Variants in ARMH3 observed in about 807,000 individuals in gnomAD.
ARMH3 encodes the protein armadillo-like helical domain-containing protein 3.
A neutral mutation model predicts 99.1 loss-of-function variants in ARMH3; 60 were observed. The observed-to-expected ratio is 0.61, with a 90% CI of 0.49 to 0.75. ARMH3 has a LOEUF of 0.75. ARMH3 is among the 30% of genes least tolerant of loss of function. The pLI, the probability that ARMH3 is intolerant of heterozygous loss-of-function variation, is 0.00. For missense variants in ARMH3, 679 were observed against 843.1 expected, an observed-to-expected ratio of 0.81 and a Z score of 2.41; for synonymous variants, 285 against 292.8, an observed-to-expected ratio of 0.97 and a Z score of 0.27.
At chr10:101,950,144 G>A (rs1844720403) in intron 22 of ARMH3, among the ~76,000 whole-genome samples, 1 of 152,064 alleles carries the variant, frequency 6.6e-6, no homozygotes, top group African/African-American at 2.4e-5. Flanking sequence ...AGTGGAGGCT[G>A]TAACCAGTAC....
At chr10:101,915,492 G>C (rs960226840) in intron 23 of ARMH3, among the ~76,000 whole-genome samples, 1 of 152,272 alleles carries the variant, frequency 6.6e-6, no homozygotes, top group East Asian at 1.9e-4. Flanking sequence ...CCCTTCCTGA[G>C]CAACTGAATA....
intron 23 of ARMH3, among the ~76,000 whole-genome samples, chr10:101,936,630 T>C (rs1351835707): frequency 4.0e-5 from 6 of 151,122 alleles, no homozygotes; most frequent in East Asian, 1.9e-4. Flanking sequence ...AGAATTATCA[T>C]ATGACACAGC....
At chr10:101,908,581 AACC>A (rs1231391773) in intron 23 of ARMH3, among the ~76,000 whole-genome samples, 1 of 152,214 alleles carries the variant, frequency 6.6e-6, no homozygotes, top group Admixed American at 6.5e-5. Context: ...ATCAGTTGAA[AACC>A]ACCAAGTTAC....
At position 101,849,780 on chromosome 10, in the gene ARMH3, T is replaced by C; in HGVS notation, c.1973A>G (p.Glu658Gly). ...CAGAGGCGGTGGGGCACTCACCAGC[T>C]CTTTGAAGAAGGCAGCTTCCTTGTG... is the stretch of plus-strand genomic sequence containing the variant. ...EQHKEAAFFK[E>G]LVRSISTNVR... Residue 658 changes from glutamate (E) to glycine (G), a missense_variant, in exon 25 of 26, where the codon GAG becomes GGG. Physicochemically the swap from Glu to Gly is moderately conservative, Grantham distance 98. Transcript: ENST00000370033. The C allele has an allele frequency of 6.2e-7, 1 of 1,613,878 alleles. No homozygotes were observed. Among genetic ancestry groups the C allele is most frequent in the East Asian group, 2.2e-5 (1 of 44,876 alleles).
At chr10:102,044,909 G>A (rs1022748461) in intron 1 of ARMH3, among the ~76,000 whole-genome samples, 3 of 152,084 alleles carry the variant, frequency 2.0e-5, no homozygotes, top group African/African-American at 7.2e-5. Context: ...GCCGAGGCGG[G>A]CAGATCACAT....
At chr10:101,892,854 A>G (rs1209476758) in intron 23 of ARMH3, among the ~76,000 whole-genome samples, 1 of 152,228 alleles carries the variant, frequency 6.6e-6, no homozygotes, top group African/African-American at 2.4e-5. Context: ...AAGTGAATAA[A>G]CCAAATACGA....
chr10:101,961,255 T>C (rs1200218145), intron 20 of ARMH3, among the ~76,000 whole-genome samples: 2 of 151,174 alleles, frequency 1.3e-5, no homozygotes, highest in African/African-American at 2.4e-5. Context: ...TGCTGTCTTA[T>C]CTACATCTCA....
intron 23 of ARMH3, among the ~76,000 whole-genome samples, chr10:101,898,112 G>A (rs1465888149): frequency 1.3e-5 from 2 of 152,024 alleles, no homozygotes; most frequent in Non-Finnish European, 2.9e-5. Flanking sequence ...AGGCACGGTG[G>A]CTCTCCCCTG....
intron 22 of ARMH3, among the ~76,000 whole-genome samples, chr10:101,947,566 C>T (rs944902045): frequency 3.3e-5 from 5 of 151,692 alleles, no homozygotes; most frequent in African/African-American, 1.2e-4. Context: ...TTTGGGAGGC[C>T]AAGGCAGGCG....
rs755731650 is a variant in ARMH3, at chr10:102,040,116, G to A, written c.-2C>T. 6.2e-7 allele frequency: 1 copy of A among 1,613,416 alleles called. No homozygotes were observed. Among genetic ancestry groups the A allele is most frequent in the East Asian group, 2.2e-5 (1 of 44,892 alleles). ...TCCACGTTTCTCTACCTGTGCCATG[G>A]TTAGAGAATCTGTGAACAGAAAGTC... On this transcript the variant is annotated 5_prime_UTR_variant, in exon 2 of 26. Coordinates refer to ENST00000370033, the MANE Select transcript of ARMH3 (RefSeq NM_024541.3).
intron 6 of ARMH3, 23 bp from the exon 7 acceptor site, chr10:102,023,772 T>C (rs1485280107): frequency 6.2e-7 from 1 of 1,602,332 alleles, no homozygotes; most frequent in Non-Finnish European, 8.6e-7. Context: ...AAAGGCTTTT[T>C]AAAGTCTGTT....
At chr10:101,916,450 A>T (rs966473962) in intron 23 of ARMH3, among the ~76,000 whole-genome samples, 1 of 152,226 alleles carries the variant, frequency 6.6e-6, no homozygotes, top group Admixed American at 6.5e-5. Flanking sequence ...AAATCCTCCA[A>T]TTATAACTCC....
chr10:101,869,161 A>G (rs2067075414), intron 24 of ARMH3, among the ~76,000 whole-genome samples: 1 of 152,182 alleles, frequency 6.6e-6, no homozygotes, highest in Admixed American at 6.5e-5. Context: ...CAAATTTTCA[A>G]CTGCACAGGG....
intron 23 of ARMH3, among the ~76,000 whole-genome samples, chr10:101,894,870 CAAAAAAAAAA>C (rs140398612): frequency 1.2e-5 from 1 of 86,426 alleles, no homozygotes; most frequent in African/African-American, 4.2e-5. Flanking sequence ...GAAACTCTGC[CAAAAAAAAAA>C]AAAAAAAAGG....
chr10:102,018,739 T>G (rs1704001531), intron 8 of ARMH3, among the ~76,000 whole-genome samples: 2 of 152,138 alleles, frequency 1.3e-5, no homozygotes, highest in Non-Finnish European at 2.9e-5. Flanking sequence ...GCAGATCACT[T>G]GAGGTCAGGA....
intron 22 of ARMH3, among the ~76,000 whole-genome samples, chr10:101,956,235 C>T (rs952810069): frequency 2.6e-5 from 4 of 152,122 alleles, no homozygotes; most frequent in East Asian, 1.9e-4. Flanking sequence ...CCTGGACATC[C>T]GCAAATTACA....
At chr10:102,005,380 C>CAAA (rs11344018) in intron 14 of ARMH3, among the ~76,000 whole-genome samples, 10 of 64,868 alleles carry the variant, frequency 1.5e-4, no homozygotes, top group African/African-American at 3.0e-4. Context: ...GACTCTGTCT[C>CAAA]AAAAAAAAAA....
intron 23 of ARMH3, among the ~76,000 whole-genome samples, chr10:101,905,780 C>A: frequency 6.6e-6 from 1 of 152,086 alleles, no homozygotes; most frequent in Non-Finnish European, 1.5e-5. Flanking sequence ...CTGGTGGTTT[C>A]CTAATGAAAT....
rs761602371 is a variant in ARMH3 at position 101,991,955 on chromosome 10, T to C, written c.1345+14A>G. On this transcript the variant is annotated intron_variant, in intron 18 of 25. Coordinates refer to ENST00000370033, the MANE Select transcript of ARMH3 (RefSeq NM_024541.3). Reference sequence around the variant, plus strand: ...TGTCACAGAACAATGTCAATGTTGATGATACTCACTCACCCAGTACTGCAC... The same window carrying C: ...TGTCACAGAACAATGTCAATGTTGACGATACTCACTCACCCAGTACTGCAC... The C allele has an allele frequency of 8.7e-5, 140 of 1,607,664 alleles. No homozygotes were observed. The Middle Eastern group carries it at 1.2e-3, about 13-fold the overall frequency.
Sources: gnomAD v4.1 joint callset for allele counts (sites outside exome capture counted in the v4.1 genomes callset) on GRCh38, gnomAD v4.1.1 for gene constraint, MANE v1.5 for transcripts, NCBI Gene and HGNC (gene_info 2026-07-23, HGNC 2026-07-21) for gene names.